Variants in DLG1 observed in about 807,000 individuals in gnomAD.
DLG1 encodes the protein disks large homolog 1.
In DLG1, 42 loss-of-function variants were observed where a neutral mutation model predicts 123.4. The ratio of observed to expected loss-of-function variants is 0.34; its 90% CI spans 0.27 to 0.44. DLG1 has a LOEUF of 0.44. DLG1 is among the 20% of genes least tolerant of loss of function. The probability of loss-of-function intolerance (pLI) is 1.00; values close to 1 mark genes in which losing one functional copy is unlikely to be tolerated. For missense variants in DLG1, 942 were observed against 1,082.6 expected (o/e 0.87, Z 1.82); for synonymous variants, 317 against 356.2 (o/e 0.89, Z 1.24).
chr3:197,120,803 A>G (rs866062768), intron 11 of DLG1, among the ~76,000 whole-genome samples: 2 of 152,312 alleles, frequency 1.3e-5, no homozygotes, highest in Middle Eastern at 3.4e-3. Flanking sequence ...GCAGTATCCA[A>G]CAGCAATTGT....
intron 5 of DLG1, among the ~76,000 whole-genome samples, chr3:197,182,799 A>G (rs1249560328): frequency 2.6e-5 from 4 of 152,150 alleles, no homozygotes; most frequent in African/African-American, 4.8e-5. Flanking sequence ...CCACCCTTGT[A>G]GCAAACAATA....
Position 197,151,534 on chromosome 3 carries a change from G to C in DLG1, c.484-1738C>G, listed in dbSNP as rs1238374508. ...ACAATGGAAGGTTGGGAGTAGGAGG[G>C]GTTATGAATCAAATAGAAGTACACG... On this transcript the variant is annotated intron_variant, in intron 5 of 24. Coordinates refer to ENST00000667157, the MANE Select transcript of DLG1 (RefSeq NM_001366207.1). 2.0e-5 allele frequency among the ~76,000 whole-genome samples: 3 copies of C among 152,098 alleles called. No individual in the cohort carries two copies. The South Asian group carries it at 6.2e-4, about 32-fold the overall frequency.
At position 197,209,082 on chromosome 3, in the gene DLG1, A is replaced by T. The variant is rs866754928; in HGVS notation, c.319-14493T>A. 9.8e-4 allele frequency among the ~76,000 whole-genome samples: 143 copies of T among 146,344 alleles called. 5 individuals are homozygous for T. Among genetic ancestry groups the T allele is most frequent in the African/African-American group, 3.0e-3 (125 of 41,234 alleles). On this transcript the variant is annotated intron_variant, in intron 4 of 24. Transcript: ENST00000667157. ...TTTCTCATATTTAAAAGGCAAATTA[A>T]AACAAATATGACTTGGGCCACCACT...
intron 4 of DLG1, among the ~76,000 whole-genome samples, chr3:197,274,861 A>C (rs1399646584): frequency 9.2e-5 from 14 of 152,212 alleles, no homozygotes; most frequent in Non-Finnish European, 1.5e-5. Context: ...AATGTTCAAC[A>C]TTACTAATAA....
intron 9 of DLG1, among the ~76,000 whole-genome samples, chr3:197,137,870 G>A (rs1246211554): frequency 6.6e-6 from 1 of 151,882 alleles, no homozygotes; most frequent in Non-Finnish European, 1.5e-5. Flanking sequence ...TACTTGGGAG[G>A]GTGAGGTGGG....
At chr3:197,074,513 A>G (rs886297137) in intron 18 of DLG1, among the ~76,000 whole-genome samples, 36 of 152,006 alleles carry the variant, frequency 2.4e-4, no homozygotes, top group African/African-American at 8.5e-4. Context: ...ATATAAGAAA[A>G]ATCTGTGGGT....
At position 197,065,184 on chromosome 3, in the gene DLG1, C is replaced by T; in HGVS notation, c.2373+92G>A. 2.5e-6 allele frequency: 3 copies of T among 1,189,250 alleles called. No homozygotes were observed. The South Asian group carries it at 8.5e-5, about 34-fold the overall frequency. 73.7% of individuals were successfully genotyped at this position (1,189,250 alleles called of 1,614,324 possible). On this transcript the variant is annotated intron_variant, in intron 22 of 24. Coordinates refer to ENST00000667157, the MANE Select transcript of DLG1 (RefSeq NM_001366207.1). ...AAGCAAATTCATCACATTAACAAAA[C>T]TAATTAGTGCTGTATCTATCCTACC...
intron 4 of DLG1, among the ~76,000 whole-genome samples, chr3:197,199,633 T>C (rs1480067791): frequency 1.3e-5 from 2 of 152,132 alleles, no homozygotes; most frequent in South Asian, 2.1e-4. Flanking sequence ...TTCATTACAA[T>C]TATTATTTGA....
intron 3 of DLG1, among the ~76,000 whole-genome samples, chr3:197,283,855 GGTT>G (rs1770511123): frequency 1.4e-5 from 2 of 142,122 alleles, no homozygotes; most frequent in South Asian, 2.3e-4. Context: ...TTTTCAGTTG[GGTT>G]GTTTTTTTTT....
At chr3:197,073,544 C>G (rs141062304) in intron 18 of DLG1, among the ~76,000 whole-genome samples, 2,616 of 152,280 alleles carry the variant, frequency 0.017, 22 homozygotes, top group Middle Eastern at 0.062. Context: ...GATGACTTAG[C>G]TGCATTCTCC....
intron 4 of DLG1, among the ~76,000 whole-genome samples, chr3:197,235,137 A>G (rs541343935): frequency 1.3e-5 from 2 of 152,290 alleles, no homozygotes; most frequent in African/African-American, 4.8e-5. Flanking sequence ...AGGAAAACAA[A>G]GTGAGCTCTA....
chr3:197,201,110 G>A (rs1725448940), intron 4 of DLG1, among the ~76,000 whole-genome samples: 1 of 152,164 alleles, frequency 6.6e-6, no homozygotes, highest in Non-Finnish European at 1.5e-5. Flanking sequence ...CCGGCCGGGC[G>A]CAGTGGCTCA....
chr3:197,277,969 G>C (rs1767314319), intron 4 of DLG1, among the ~76,000 whole-genome samples: 3 of 151,668 alleles, frequency 2.0e-5, no homozygotes, highest in African/African-American at 7.3e-5. Flanking sequence ...GTGAGACCCA[G>C]TCTTCAAAAA....
chr3:197,269,125 TA>T lies in DLG1; in HGVS notation c.318+13553del, dbSNP rs554884938. On this transcript the variant is annotated intron_variant, in intron 4 of 24. Transcript: ENST00000667157. ...GAAGTGCACTCTATAAAATAACTAC[TA>T]AAAGTACAGTAGATAAACTAGTAAC... Among the ~76,000 whole-genome samples, 36 of 152,314 alleles carry T rather than the reference TA, an allele frequency of 2.4e-4. No individual in the cohort carries two copies. The East Asian group carries it at 6.6e-3, about 28-fold the overall frequency.
chr3:197,292,614 A>G (rs549245936), intron 3 of DLG1, among the ~76,000 whole-genome samples: 10 of 152,358 alleles, frequency 6.6e-5, no homozygotes, highest in African/African-American at 2.4e-4. Flanking sequence ...TTTTGAAACT[A>G]GTATCTACAA....
intron 13 of DLG1, among the ~76,000 whole-genome samples, chr3:197,115,182 A>C (rs937173091): frequency 9.9e-5 from 15 of 152,236 alleles, no homozygotes; most frequent in African/African-American, 3.6e-4. Flanking sequence ...TAAAAATTAC[A>C]ATTTATGGGT....
intron 15 of DLG1, among the ~76,000 whole-genome samples, chr3:197,086,000 C>T (rs559653296): frequency 1.3e-5 from 2 of 151,752 alleles, no homozygotes; most frequent in African/African-American, 4.8e-5. Context: ...TTTAAAAACG[C>T]TCTTGGATTG....
At chr3:197,278,638 G>A (rs949560899) in intron 4 of DLG1, among the ~76,000 whole-genome samples, 10 of 151,686 alleles carry the variant, frequency 6.6e-5, no homozygotes, top group African/African-American at 2.4e-4. Flanking sequence ...TACTAATCCT[G>A]TCCCTTTAAA....
chr3:197,223,428 G>A (rs1299885239), intron 4 of DLG1, among the ~76,000 whole-genome samples: 1 of 152,182 alleles, frequency 6.6e-6, no homozygotes, highest in African/African-American at 2.4e-5. Flanking sequence ...GAATGGTTAA[G>A]AGGTAAACTC....
Sources: allele counts gnomAD v4.1 joint callset (sites outside exome capture counted in the v4.1 genomes callset), GRCh38; gene constraint gnomAD v4.1.1; transcripts MANE v1.5; gene names NCBI Gene and HGNC (gene_info 2026-07-23, HGNC 2026-07-21).